SLC1A2: variants seen among roughly 807,000 people sequenced by gnomAD.
SLC1A2 encodes the protein excitatory amino acid transporter 2.
A neutral mutation model predicts 48.8 loss-of-function variants in SLC1A2; 15 were observed. The observed-to-expected ratio is 0.31, with a 90% CI of 0.21 to 0.47. The LOEUF (loss-of-function observed/expected upper bound fraction) is 0.47. Ranked by LOEUF, SLC1A2 falls within the 20% of genes least tolerant of loss-of-function variation. The pLI is 0.99. For missense variants in SLC1A2, 502 were observed against 730.5 expected, an observed-to-expected ratio of 0.69 and a Z score of 3.61; for synonymous variants, 279 against 272.6, an observed-to-expected ratio of 1.02 and a Z score of -0.23.
At chr11:35,391,989 G>C (rs1295578885) in intron 1 of SLC1A2, among the ~76,000 whole-genome samples, 1 of 152,104 alleles carries the variant, frequency 6.6e-6, no homozygotes, top group African/African-American at 2.4e-5. Context: ...TTGCACCACA[G>C]AGCCTGCTTG....
intron 1 of SLC1A2, among the ~76,000 whole-genome samples, chr11:35,381,367 C>G (rs1854417606): frequency 6.6e-6 from 1 of 152,114 alleles, no homozygotes; most frequent in South Asian, 2.1e-4. Flanking sequence ...TGCTGTAAGT[C>G]TTGAGCTGCC....
At chr11:35,321,760 T>C (rs1347359181) in intron 1 of SLC1A2, among the ~76,000 whole-genome samples, 1 of 152,148 alleles carries the variant, frequency 6.6e-6, no homozygotes, top group African/African-American at 2.4e-5. Context: ...GTGCCAAATC[T>C]GGTCTGGGAA....
chr11:35,265,904 T>C, intron 9 of SLC1A2, 146 bp from the exon 10 acceptor site: 4 of 605,774 alleles, frequency 6.6e-6, no homozygotes, highest in Non-Finnish European at 1.2e-5. Flanking sequence ...TACTTAACTT[T>C]CATGAGCCTT....
chr11:35,360,257 T>C (rs1211082233), intron 1 of SLC1A2: 1 of 164,998 alleles, frequency 6.1e-6, no homozygotes, highest in Non-Finnish European at 1.3e-5. Context: ...TTGGACATTG[T>C]GTAATTATGG....
intron 1 of SLC1A2, among the ~76,000 whole-genome samples, chr11:35,375,546 T>C (rs964562630): frequency 6.6e-6 from 1 of 152,178 alleles, no homozygotes; most frequent in Non-Finnish European, 1.5e-5. Flanking sequence ...CAGGAGGCCC[T>C]GGAGATGGAA....
intron 1 of SLC1A2, among the ~76,000 whole-genome samples, chr11:35,370,151 C>T (rs752211655): frequency 6.6e-6 from 1 of 152,214 alleles, no homozygotes; most frequent in African/African-American, 2.4e-5. Flanking sequence ...GCTTTATACA[C>T]AGCATCCAAT....
intron 9 of SLC1A2, among the ~76,000 whole-genome samples, chr11:35,271,064 G>C (rs1850265798): frequency 6.6e-6 from 1 of 152,212 alleles, no homozygotes; most frequent in South Asian, 2.1e-4. Flanking sequence ...AGACTCAGGA[G>C]ACAGAATTAT....
intron 1 of SLC1A2, among the ~76,000 whole-genome samples, chr11:35,336,053 A>G (rs1590200845): frequency 6.6e-6 from 1 of 152,100 alleles, no homozygotes; most frequent in Admixed American, 6.6e-5. Flanking sequence ...ATCCTCATCA[A>G]ACTAATACAG....
At chr11:35,406,901 AT>A (rs1447578263) in intron 1 of SLC1A2, among the ~76,000 whole-genome samples, 2 of 152,222 alleles carry the variant, frequency 1.3e-5, no homozygotes, top group African/African-American at 4.8e-5. Flanking sequence ...ATCAGGATAC[AT>A]GTGCTATGCA....
At chr11:35,378,508 T>C (rs1854313654) in intron 1 of SLC1A2, among the ~76,000 whole-genome samples, 1 of 152,248 alleles carries the variant, frequency 6.6e-6, no homozygotes, top group Non-Finnish European at 1.5e-5. Context: ...CGCTCACCCT[T>C]ATTCACATCA....
intron 1 of SLC1A2, among the ~76,000 whole-genome samples, chr11:35,354,258 C>T (rs931370726): frequency 1.3e-5 from 2 of 151,886 alleles, no homozygotes; most frequent in Non-Finnish European, 2.9e-5. Flanking sequence ...TTGAGACCAG[C>T]CTGGTCAATA....
At chr11:35,333,827 ATTTTTT>A (rs373988431) in intron 1 of SLC1A2, among the ~76,000 whole-genome samples, 48 of 126,174 alleles carry the variant, frequency 3.8e-4, no homozygotes, top group African/African-American at 1.0e-3. Flanking sequence ...ATGCCAGCTA[ATTTTTT>A]TTTTTTTTTT....
At chr11:35,368,905 G>A (rs527876926) in intron 1 of SLC1A2, among the ~76,000 whole-genome samples, 1 of 152,336 alleles carries the variant, frequency 6.6e-6, no homozygotes, top group East Asian at 1.9e-4. Context: ...GCAAAATGAA[G>A]TGCAGAGCCC....
At chr11:35,375,010 C>T (rs1480882663) in intron 1 of SLC1A2, among the ~76,000 whole-genome samples, 1 of 152,148 alleles carries the variant, frequency 6.6e-6, no homozygotes, top group African/African-American at 2.4e-5. Context: ...TTGATACAAA[C>T]AAAAGGTATT....
chr11:35,273,757 C>A (rs931358993), intron 9 of SLC1A2, among the ~76,000 whole-genome samples: 13 of 152,132 alleles, frequency 8.5e-5, no homozygotes, highest in African/African-American at 3.1e-4. Flanking sequence ...ACAGGCTGGG[C>A]AGGGGAGAAT....
At chr11:35,312,503 C>T (rs571651176) in intron 3 of SLC1A2, 55 bp from the exon 4 acceptor site, 3 of 1,582,506 alleles carry the variant, frequency 1.9e-6, no homozygotes, top group Non-Finnish European at 2.6e-6. Context: ...TGCTAATGAC[C>T]TGTGTCTACA....
chr11:35,378,101 C>G (rs1182425599), intron 1 of SLC1A2, among the ~76,000 whole-genome samples: 3 of 152,218 alleles, frequency 2.0e-5, no homozygotes, highest in Non-Finnish European at 4.4e-5. Flanking sequence ...TGGTTTTACA[C>G]TTGGAAACAT....
At chr11:35,311,532 A>G (rs1171121975) in intron 4 of SLC1A2, among the ~76,000 whole-genome samples, 1 of 152,238 alleles carries the variant, frequency 6.6e-6, no homozygotes, top group African/African-American at 2.4e-5. Flanking sequence ...AGGAAACAGC[A>G]TTCTCAACAT....
chr11:35,368,043 C>G (rs1305479010), intron 1 of SLC1A2, among the ~76,000 whole-genome samples: 1 of 152,114 alleles, frequency 6.6e-6, no homozygotes, highest in East Asian at 1.9e-4. Flanking sequence ...GGCACAGCAC[C>G]ACCTAATCAA....
Sources: allele counts gnomAD v4.1 joint callset (sites outside exome capture counted in the v4.1 genomes callset), GRCh38; gene constraint gnomAD v4.1.1; transcripts MANE v1.5; gene names NCBI Gene and HGNC (gene_info 2026-07-23, HGNC 2026-07-21).